Variants in MRPS9 observed in about 807,000 individuals in gnomAD.
The protein encoded by MRPS9 is mitochondrial ribosomal protein S9, also known as small ribosomal subunit protein uS9m.
Under a neutral mutation model 59.9 loss-of-function variants are expected in MRPS9, and 45 were observed. The observed-to-expected ratio is 0.75, with a 90% confidence interval of 0.59 to 0.96. MRPS9 has a LOEUF of 0.96. Ranked by LOEUF, MRPS9 falls within the 40% of genes least tolerant of loss-of-function variation. The pLI, the probability that MRPS9 is intolerant of heterozygous loss-of-function variation, is 0.00. For missense variants in MRPS9, 473 were observed against 481.1 expected (o/e 0.98, Z 0.16); for synonymous variants, 171 against 166.8 (o/e 1.03, Z -0.19).
At chr2:105,056,282 A>T (rs1679790579) in intron 2 of MRPS9, among the ~76,000 whole-genome samples, 1 of 151,698 alleles carries the variant, frequency 6.6e-6, no homozygotes, top group Admixed American at 6.6e-5. Flanking sequence ...TCTAAAATAA[A>T]TTTCAGTCTC....
intron 1 of MRPS9, among the ~76,000 whole-genome samples, chr2:105,046,571 A>T (rs1679600029): frequency 6.6e-6 from 1 of 151,878 alleles, no homozygotes; most frequent in South Asian, 2.1e-4. Context: ...TCAACATCTC[A>T]CACACATTCT....
intron 4 of MRPS9, among the ~76,000 whole-genome samples, chr2:105,074,087 GAAAATCA>G (rs2104456191): frequency 6.6e-6 from 1 of 152,206 alleles, no homozygotes; most frequent in East Asian, 1.9e-4. Flanking sequence ...GAGTTAAAGA[GAAAATCA>G]AAATTGAGGT....
intron 2 of MRPS9, among the ~76,000 whole-genome samples, chr2:105,066,192 C>T (rs1405748493): frequency 2.0e-5 from 3 of 152,052 alleles, no homozygotes; most frequent in Non-Finnish European, 4.4e-5. Flanking sequence ...ATTGTTTTCA[C>T]TGAATTTGCA....
rs201555399 is a variant in MRPS9, at chr2:105,093,678, A to C, written c.929+40A>C. On this transcript the variant is annotated intron_variant, in intron 9 of 10. Coordinates refer to ENST00000258455, the MANE Select transcript of MRPS9 (RefSeq NM_182640.3). ...CTGATTTTTTGTTTTTAAAGGAAAC[A>C]TACTTTATAATACATCATGATCATT... 60 of 900,692 alleles carry C rather than the reference A, an allele frequency of 6.7e-5. No homozygotes were observed. The East Asian group carries it at 1.5e-3, about 22-fold the overall frequency. The allele number at this position is 900,692 out of a possible 1,614,324, so 55.8% of individuals were successfully genotyped here. A position where few individuals can be genotyped will look rare whatever the true frequency, so the allele number is the denominator to read the frequency against.
At chr2:105,075,106 T>G (rs1057482257) in intron 4 of MRPS9, among the ~76,000 whole-genome samples, 1 of 152,198 alleles carries the variant, frequency 6.6e-6, no homozygotes, top group East Asian at 1.9e-4. Flanking sequence ...GCATGCAACC[T>G]AGATCCCTCG....
chr2:105,040,497 C>T (rs1312348808), intron 1 of MRPS9, among the ~76,000 whole-genome samples: 1 of 152,160 alleles, frequency 6.6e-6, no homozygotes, highest in African/African-American at 2.4e-5. Flanking sequence ...GTAAATATTA[C>T]AATGGGTCAC....
intron 4 of MRPS9, among the ~76,000 whole-genome samples, chr2:105,079,600 T>C (rs1008126383): frequency 1.5e-4 from 23 of 152,228 alleles, no homozygotes; most frequent in African/African-American, 5.3e-4. Context: ...CTGCATTTTT[T>C]TACTTTATCA....
At position 105,062,286 on chromosome 2, in the gene MRPS9, T is replaced by C. The variant is rs1679921334; in HGVS notation, c.316-9027T>C. Among the ~76,000 whole-genome samples the C allele has an allele frequency of 2.6e-5, 4 of 152,220 alleles. No homozygotes were observed. The South Asian group carries it at 6.2e-4, about 24-fold the overall frequency. On this transcript the variant is annotated intron_variant, in intron 2 of 10. Transcript: ENST00000258455. ...AACCCAGTTCTCTTACCTTTACTCT[T>C]TAAGATAGTAAAGTTAGGCTATCAT...
chr2:105,061,262 G>A (rs1679896230), intron 2 of MRPS9, among the ~76,000 whole-genome samples: 1 of 152,164 alleles, frequency 6.6e-6, no homozygotes, highest in Admixed American at 6.5e-5. Context: ...GTGGCACTGA[G>A]CTGGTTTTGC....
At chr2:105,073,522 A>C (rs1279415325) in intron 4 of MRPS9, among the ~76,000 whole-genome samples, 1 of 152,178 alleles carries the variant, frequency 6.6e-6, no homozygotes, top group African/African-American at 2.4e-5. Context: ...TATGCTAAAA[A>C]AGTAACAGTG....
intron 7 of MRPS9, among the ~76,000 whole-genome samples, chr2:105,090,455 T>C (rs1011288303): frequency 6.6e-6 from 1 of 152,266 alleles, no homozygotes; most frequent in South Asian, 2.1e-4. Flanking sequence ...GTGGTTTTTA[T>C]CTTGGGATCT....
rs374682635 is a variant in MRPS9 at position 105,048,607 on chromosome 2, T to G, written c.136-564T>G. Among the ~76,000 whole-genome samples, 207 of 152,142 alleles carry G rather than the reference T, an allele frequency of 1.4e-3. 1 individual carries two copies. The highest frequency in any genetic ancestry group is 4.6e-3 in the African/African-American group (193 of 41,536). On this transcript the variant is annotated intron_variant, in intron 1 of 10. Transcript: ENST00000258455. ...TCTTCTCAATGTTCAGTCAAGCAATTTTTTCTTTTTATCACTTTAATATAA... is the reference window on the plus strand; with the variant it reads ...TCTTCTCAATGTTCAGTCAAGCAATGTTTTCTTTTTATCACTTTAATATAA...
At chr2:105,083,097 A>ACTTGTTTGCTTT (rs1463585544) in intron 5 of MRPS9, among the ~76,000 whole-genome samples, 2 of 152,180 alleles carry the variant, frequency 1.3e-5, no homozygotes, top group Admixed American at 1.3e-4. Context: ...AACCAGTATA[A>ACTTGTTTGCTTT]CTTGTTTGCT....
intron 4 of MRPS9, among the ~76,000 whole-genome samples, chr2:105,077,358 A>G (rs1680233901): frequency 6.6e-6 from 1 of 152,244 alleles, no homozygotes; most frequent in Non-Finnish European, 1.5e-5. Flanking sequence ...CAAATTGGAA[A>G]AAGTCTAAAT....
chr2:105,038,173 G>C lies in MRPS9; in HGVS notation c.81G>C (p.Lys27Asn). Reference sequence around the variant, plus strand: ...GGGGTAGGGGTAGCCTCGCCCGGAAGCAAGGCCTCTGGAAAACCGCGGCCC... The same window carrying C: ...GGGGTAGGGGTAGCCTCGCCCGGAACCAAGGCCTCTGGAAAACCGCGGCCC... ...LLWGRGSLAR[K>N]QGLWKTAAPE... The change falls in exon 1 of 11, where the codon AAG (lysine) becomes AAC (asparagine). Residue 27 changes from lysine to asparagine, a missense_variant. Coordinates refer to ENST00000258455, the MANE Select transcript of MRPS9 (RefSeq NM_182640.3). 1.9e-6 allele frequency: 3 copies of C among 1,613,562 alleles called. No individual in the cohort carries two copies. The highest frequency in any genetic ancestry group is 2.5e-6 in the Non-Finnish European group (3 of 1,179,808).
chr2:105,048,168 G>T (rs1441351969), intron 1 of MRPS9, among the ~76,000 whole-genome samples: 1 of 152,008 alleles, frequency 6.6e-6, no homozygotes, highest in Admixed American at 6.6e-5. Flanking sequence ...ATACTATGCA[G>T]CCATAAAAAA....
At chr2:105,067,988 T>C (rs1196231846) in intron 2 of MRPS9, among the ~76,000 whole-genome samples, 1 of 151,996 alleles carries the variant, frequency 6.6e-6, no homozygotes, top group Non-Finnish European at 1.5e-5. Context: ...CCACCACACT[T>C]CTTAAAAATT....
rs755309848 is a variant in MRPS9 at position 105,038,114 on chromosome 2, T to C, written c.22T>C (p.Tyr8His). The change falls in exon 1 of 11, where the codon TAC becomes CAC. Residue 8 changes from tyrosine to histidine, a missense_variant. Coordinates refer to ENST00000258455, the MANE Select transcript of MRPS9 (RefSeq NM_182640.3). ...TAACATGGCGGCGCCCTGTGTGTCC[T>C]ACGGCGGAGCAGTTTCGTACCGGCT... MAAPCVS[Y>H]GGAVSYRLLL... The C allele has an allele frequency of 1.2e-6, 2 of 1,613,956 alleles. No homozygotes were observed. The highest frequency in any genetic ancestry group is 1.7e-6 in the Non-Finnish European group (2 of 1,180,012).
chr2:105,044,788 A>G, intron 1 of MRPS9, among the ~76,000 whole-genome samples: 1 of 152,224 alleles, frequency 6.6e-6, no homozygotes, highest in Non-Finnish European at 1.5e-5. Context: ...CAAAAGGAAC[A>G]GTGTGGAAGA....
Sources: gnomAD v4.1 joint callset for allele counts (sites outside exome capture counted in the v4.1 genomes callset) on GRCh38, gnomAD v4.1.1 for gene constraint, MANE v1.5 for transcripts, NCBI Gene and HGNC (gene_info 2026-07-23, HGNC 2026-07-21) for gene names.